Variants in POU2F3 observed in about 807,000 individuals in gnomAD.
POU2F3 encodes the protein POU class 2 homeobox 3.
A neutral mutation model predicts 59.2 loss-of-function variants in POU2F3; 23 were observed. The ratio of observed to expected loss-of-function variants is 0.39; its 90% CI spans 0.28 to 0.55. The LOEUF is 0.55. Ranked by LOEUF, POU2F3 falls within the 20% of genes least tolerant of loss-of-function variation. The pLI is 0.66. For synonymous variants in POU2F3, 190 were observed against 214.6 expected (o/e 0.89, Z 1.00); for missense variants, 473 against 544.5 (o/e 0.87, Z 1.31).
intron 10 of POU2F3, among the ~76,000 whole-genome samples, chr11:120,312,932 T>C (rs1941687563): frequency 6.6e-6 from 1 of 152,034 alleles, no homozygotes; most frequent in African/African-American, 2.4e-5. Flanking sequence ...GGGAAGAATA[T>C]TCTAGGTAGA....
At chr11:120,293,508 G>T (rs1474607954) in intron 3 of POU2F3, among the ~76,000 whole-genome samples, 1 of 152,124 alleles carries the variant, frequency 6.6e-6, no homozygotes, top group Non-Finnish European at 1.5e-5. Flanking sequence ...AGTGTAGAAA[G>T]GGGGAGAAAG....
chr11:120,305,826 T>C, intron 8 of POU2F3, 41 bp downstream of exon 8: 1 of 1,606,978 alleles, frequency 6.2e-7, no homozygotes, highest in Non-Finnish European at 8.5e-7. Flanking sequence ...CCTAGAGGGC[T>C]CTGCAGGGAA....
At chr11:120,287,737 T>C (rs950836048) in intron 3 of POU2F3, among the ~76,000 whole-genome samples, 1 of 152,206 alleles carries the variant, frequency 6.6e-6, no homozygotes, top group African/African-American at 2.4e-5. Context: ...GATAGGCACT[T>C]AGTTAATACA....
At chr11:120,260,360 A>G (rs1410772552) in intron 2 of POU2F3, among the ~76,000 whole-genome samples, 1 of 152,226 alleles carries the variant, frequency 6.6e-6, no homozygotes, top group Non-Finnish European at 1.5e-5. Context: ...GGGCTTGGCC[A>G]GGGAGCTCAG....
At chr11:120,243,477 G>A (rs1338892908) in intron 1 of POU2F3, among the ~76,000 whole-genome samples, 1 of 152,186 alleles carries the variant, frequency 6.6e-6, no homozygotes, top group Non-Finnish European at 1.5e-5. Flanking sequence ...GAGTGGGGCA[G>A]CCAAGGGTCT....
At chr11:120,240,522 C>T (rs1284078101) in intron 1 of POU2F3, 151 bp downstream of exon 1, 15 of 870,176 alleles carry the variant, frequency 1.7e-5, no homozygotes, top group Non-Finnish European at 2.8e-6. Flanking sequence ...GGGTGGGTGC[C>T]GGTCAGTATT....
chr11:120,238,745 G>A (rs1033276715), upstream of POU2F3, among the ~76,000 whole-genome samples: 20 of 145,384 alleles, frequency 1.4e-4, no homozygotes, highest in African/African-American at 4.7e-4. Context: ...GAGGAGAATC[G>A]CTTGAACCCA....
At position 120,318,214 on chromosome 11, in the gene POU2F3, C is replaced by A. The variant is rs568337188; in HGVS notation, c.1272-139C>A. 6.7e-6 allele frequency: 5 copies of A among 741,642 alleles called. No homozygotes were observed. The Admixed American group carries it at 7.0e-5, about 10-fold the overall frequency. 45.9% of individuals were successfully genotyped at this position (741,642 alleles called of 1,614,324 possible). A position where few individuals can be genotyped will look rare whatever the true frequency, so the allele number is the denominator to read the frequency against. ...TTAGTATATTCACAAGGTTGTGCAA[C>A]CATCAGCGTTATCTAATTCCAGGAT... On this transcript the variant is annotated intron_variant, in intron 12 of 12. Coordinates refer to ENST00000543440, the MANE Select transcript of POU2F3 (RefSeq NM_014352.4).
intron 2 of POU2F3, among the ~76,000 whole-genome samples, chr11:120,257,453 C>T (rs1056838868): frequency 7.9e-5 from 12 of 151,228 alleles, no homozygotes; most frequent in Non-Finnish European, 1.6e-4. Context: ...GTCACCATAC[C>T]CTTCAATTCT....
At chr11:120,259,645 T>A (rs1939508351) in intron 2 of POU2F3, among the ~76,000 whole-genome samples, 1 of 152,202 alleles carries the variant, frequency 6.6e-6, no homozygotes, top group African/African-American at 2.4e-5. Context: ...TCCTGGATAT[T>A]TCCTCACTCC....
At chr11:120,304,007 T>C (rs1941415122) in intron 6 of POU2F3, 1 of 152,098 alleles carries the variant, frequency 6.6e-6, no homozygotes, top group Admixed American at 6.5e-5. Context: ...GTTCTAGGTT[T>C]AAGGGTACGT....
At chr11:120,306,574 T>G (rs1055034514) in intron 8 of POU2F3, among the ~76,000 whole-genome samples, 14 of 151,986 alleles carry the variant, frequency 9.2e-5, no homozygotes, top group Admixed American at 8.5e-4. Flanking sequence ...CTCCAGACAT[T>G]GCCAAATGTC....
At chr11:120,268,003 A>G (rs571284874) in intron 2 of POU2F3, among the ~76,000 whole-genome samples, 1 of 152,178 alleles carries the variant, frequency 6.6e-6, no homozygotes, top group South Asian at 2.1e-4. Context: ...ATAGCAAAAG[A>G]GTGAAAATGA....
chr11:120,286,864 G>A (rs1940801596), intron 3 of POU2F3, among the ~76,000 whole-genome samples: 1 of 151,474 alleles, frequency 6.6e-6, no homozygotes, highest in South Asian at 2.1e-4. Flanking sequence ...AGTATTAGCT[G>A]GCCCTGCTCC....
chr11:120,253,269 T>TC (rs983336876), intron 2 of POU2F3, among the ~76,000 whole-genome samples: 4 of 151,826 alleles, frequency 2.6e-5, no homozygotes, highest in African/African-American at 9.7e-5. Context: ...TTAATTTTTT[T>TC]TTTTTTTTGA....
chr11:120,294,682 C>A (rs1191326116), intron 3 of POU2F3, among the ~76,000 whole-genome samples: 1 of 152,128 alleles, frequency 6.6e-6, no homozygotes. Flanking sequence ...ATTTCTGAAC[C>A]CCTGAGAGTG....
intron 11 of POU2F3, 44 bp downstream of exon 11, chr11:120,315,471 T>TA (rs779711782): frequency 1.1e-5 from 17 of 1,555,490 alleles, no homozygotes; most frequent in Non-Finnish European, 1.4e-5. Context: ...AGAATTCTTT[T>TA]AAAAAATGGG....
At chr11:120,290,823 GGCACGCGCGT>G (rs985555048) in intron 3 of POU2F3, among the ~76,000 whole-genome samples, 4 of 152,226 alleles carry the variant, frequency 2.6e-5, no homozygotes, top group African/African-American at 9.6e-5. Flanking sequence ...TGTGTGTATG[GGCACGCGCGT>G]GCACGCGTGT....
At chr11:120,236,874 G>A (rs778798131), upstream of POU2F3, among the ~76,000 whole-genome samples, 20 of 152,246 alleles carry the variant, frequency 1.3e-4, no homozygotes, top group Non-Finnish European at 2.5e-4. Context: ...ACATGAGGGA[G>A]AAGCAGGGAA....
Sources: gnomAD v4.1 joint callset for allele counts (sites outside exome capture counted in the v4.1 genomes callset) on GRCh38, gnomAD v4.1.1 for gene constraint, MANE v1.5 for transcripts, NCBI Gene and HGNC (gene_info 2026-07-23, HGNC 2026-07-21) for gene names.